The following VPS36 variants were observed in gnomAD, a reference collection of about 807,000 sequenced individuals.
VPS36 encodes the protein vacuolar protein sorting 36 homolog.
VPS36 carries 31 observed loss-of-function variants against 63.5 expected under a neutral mutation model. The observed-to-expected ratio is 0.49, with a 90% confidence interval of 0.37 to 0.66. The LOEUF (loss-of-function observed/expected upper bound fraction) is 0.66, where lower values mean the gene tolerates loss of function less well. Among genes scored for constraint, VPS36 ranks in the 30% least tolerant of loss-of-function variants. The pLI is 0.00. For synonymous variants in VPS36, 138 were observed against 157.2 expected, an observed-to-expected ratio of 0.88 and a Z score of 0.91; for missense variants, 338 against 463.7, an observed-to-expected ratio of 0.73 and a Z score of 2.49.
At chr13:52,447,762 G>T (rs1268253985) in intron 1 of VPS36, among the ~76,000 whole-genome samples, 4 of 151,662 alleles carry the variant, frequency 2.6e-5, no homozygotes, top group African/African-American at 9.7e-5. Flanking sequence ...GGGTGACACC[G>T]GTGACTGCTA....
intron 4 of VPS36, among the ~76,000 whole-genome samples, chr13:52,435,523 G>A (rs1958207257): frequency 6.6e-6 from 1 of 152,082 alleles, no homozygotes; most frequent in African/African-American, 2.4e-5. Flanking sequence ...GATCTATAAT[G>A]AAACAAACAC....
In VPS36 at chr13:52,438,913, T is replaced by A. The variant is rs2185546; in HGVS notation, c.236+185A>T. 4.3e-3 allele frequency among the ~76,000 whole-genome samples: 657 copies of A among 152,294 alleles called. 20 individuals carry two copies. In the East Asian group the frequency reaches 0.089, roughly 21 times the overall value. ...AAGCAAAGTGTCTACGGAAAGACAATGATAACTGGGCCACATTTCTTTATT... is the reference window on the plus strand; with the variant it reads ...AAGCAAAGTGTCTACGGAAAGACAAAGATAACTGGGCCACATTTCTTTATT... On this transcript the variant is annotated intron_variant, in intron 3 of 13. Transcript: ENST00000378060.
Position 52,414,905 on chromosome 13 carries a change from C to T in VPS36, c.*925G>A, listed in dbSNP as rs758325932. ...TTCTTACCGAAGTAGTTTTTCCACACAACTTACAACATAAAGGACAAAGAA... is the reference window on the plus strand; with the variant it reads ...TTCTTACCGAAGTAGTTTTTCCACATAACTTACAACATAAAGGACAAAGAA... On this transcript the variant is annotated 3_prime_UTR_variant, in exon 14 of 14. Coordinates refer to ENST00000378060, the MANE Select transcript of VPS36 (RefSeq NM_016075.4). 1 of 152,166 alleles carries T rather than the reference C, an allele frequency of 6.6e-6. No homozygotes were observed. The highest frequency in any genetic ancestry group is 1.5e-5 in the Non-Finnish European group (1 of 68,022). 9.4% of individuals were successfully genotyped at this position (152,166 alleles called of 1,614,324 possible). A position where few individuals can be genotyped will look rare whatever the true frequency, so the allele number is the denominator to read the frequency against.
At position 52,445,673 on chromosome 13, in the gene VPS36, C is replaced by G. The variant is rs1303530708; in HGVS notation, c.97-3228G>C. Among the ~76,000 whole-genome samples the G allele has an allele frequency of 5.9e-5, 8 of 134,928 alleles. No homozygotes were observed. In the South Asian group the frequency reaches 1.5e-3, roughly 25 times the overall value. 88.5% of individuals were successfully genotyped at this position (134,928 alleles called of 152,430 possible). ...AAAAAAAAGGCCGGGCGCAGTGGCT[C>G]ACGCCTGTAATCCCAGCACTTTGGG... is the stretch of plus-strand genomic sequence containing the variant. On this transcript the variant is annotated intron_variant, in intron 1 of 13. Coordinates refer to ENST00000378060, the MANE Select transcript of VPS36 (RefSeq NM_016075.4).
intron 1 of VPS36, among the ~76,000 whole-genome samples, chr13:52,444,738 C>T (rs907479767): frequency 2.0e-5 from 3 of 151,678 alleles, no homozygotes; most frequent in East Asian, 1.9e-4. Flanking sequence ...ACACAGAATA[C>T]GCTAAAAGTA....
chr13:52,429,903 A>C (rs906086326), intron 6 of VPS36, among the ~76,000 whole-genome samples: 1 of 152,196 alleles, frequency 6.6e-6, no homozygotes, highest in Admixed American at 6.5e-5. Flanking sequence ...CAAGAGAGCC[A>C]ATAGGGATTC....
intron 13 of VPS36, 28 bp from the exon 14 acceptor site, chr13:52,415,951 A>C (rs1388479521): frequency 1.2e-6 from 2 of 1,612,938 alleles, no homozygotes; most frequent in Non-Finnish European, 1.7e-6. Flanking sequence ...AAAAACCCCC[A>C]CACAATTATC....
intron 3 of VPS36, among the ~76,000 whole-genome samples, chr13:52,437,931 A>G (rs971069346): frequency 5.4e-5 from 8 of 149,046 alleles, no homozygotes; most frequent in Non-Finnish European, 1.0e-4. Flanking sequence ...CGCTGCCTCA[A>G]AAAAAAAAAA....
chr13:52,428,445 T>C, intron 6 of VPS36, among the ~76,000 whole-genome samples: 1 of 152,182 alleles, frequency 6.6e-6, no homozygotes, highest in East Asian at 1.9e-4. Context: ...AATAGTGTGT[T>C]GCGTATTCTT....
chr13:52,441,021 G>A (rs940711470), intron 2 of VPS36, among the ~76,000 whole-genome samples: 3 of 152,124 alleles, frequency 2.0e-5, no homozygotes, highest in African/African-American at 7.2e-5. Context: ...AATCTAATGC[G>A]TCTGCTGATC....
At position 52,428,698 on chromosome 13, in the gene VPS36, A is replaced by T. The variant is rs558961218; in HGVS notation, c.529-1479T>A. Among the ~76,000 whole-genome samples, 6 of 152,340 alleles carry T rather than the reference A, an allele frequency of 3.9e-5. No individual in the cohort carries two copies. The South Asian group carries it at 1.2e-3, about 32-fold the overall frequency. ...TTCAAAAATAAAACACACATTTTGC[A>T]CACTTAGGTTTTTACTTTTAATATA... On this transcript the variant is annotated intron_variant, in intron 6 of 13. Coordinates refer to ENST00000378060, the MANE Select transcript of VPS36 (RefSeq NM_016075.4).
At position 52,443,167 on chromosome 13, in the gene VPS36, G is replaced by C. The variant is rs75994473; in HGVS notation, c.97-722C>G. Among the ~76,000 whole-genome samples the C allele has an allele frequency of 3.9e-5, 6 of 152,054 alleles. No individual in the cohort carries two copies. In the East Asian group the frequency reaches 9.7e-4, roughly 24 times the overall value. On this transcript the variant is annotated intron_variant, in intron 1 of 13. Coordinates refer to ENST00000378060, the MANE Select transcript of VPS36 (RefSeq NM_016075.4). ...ATACAATGCACCAAAATGAATTCTA[G>C]AAGGATCAAACAATTGAGTAAAAAA...
intron 4 of VPS36, 151 bp from the exon 5 acceptor site, chr13:52,435,033 G>A (rs569703145): frequency 1.1e-4 from 77 of 682,632 alleles, no homozygotes; most frequent in Admixed American, 1.6e-4. Context: ...GTGCAATGGC[G>A]TGATCTAGGC....
At chr13:52,433,339 T>C (rs557479808) in intron 6 of VPS36, among the ~76,000 whole-genome samples, 2 of 152,328 alleles carry the variant, frequency 1.3e-5, no homozygotes, top group African/African-American at 2.4e-5. Flanking sequence ...TTACTTCAAC[T>C]TCCAAAATAA....
intron 1 of VPS36, among the ~76,000 whole-genome samples, chr13:52,446,589 C>T (rs957964709): frequency 6.6e-6 from 1 of 151,904 alleles, no homozygotes; most frequent in African/African-American, 2.4e-5. Context: ...CTTCAGCACT[C>T]ACTGAAAAGT....
At position 52,434,813 on chromosome 13, in the gene VPS36, G is replaced by T. The variant is rs772273059; in HGVS notation, c.421C>A (p.Gln141Lys). The change falls in exon 5 of 14, where the codon CAA becomes AAA. Residue 141 changes from glutamine to lysine, a missense_variant. Transcript: ENST00000378060. The part of the protein sequence containing the change: ...WENMPVSQSL[Q>K]TNRGPQPGRI... ...AATACCTGGGGTCCTCTATTTGTTT[G>T]TAATGACTGGGAAACTGGCATATTC... The T allele has an allele frequency of 6.2e-7, 1 of 1,613,772 alleles. No individual in the cohort carries two copies. The highest frequency in any genetic ancestry group is 8.5e-7 in the Non-Finnish European group (1 of 1,179,868).
At chr13:52,415,961 C>A in intron 13 of VPS36, 38 bp from the exon 14 acceptor site, 1 of 1,612,562 alleles carries the variant, frequency 6.2e-7, no homozygotes. Flanking sequence ...ACACAATTAT[C>A]TGTTCATGCA....
In VPS36 at chr13:52,439,139, T is replaced by C. The variant is rs1958248126; in HGVS notation, c.195A>G (p.Gln65=). The C allele has an allele frequency of 6.2e-7, 1 of 1,613,820 alleles. No homozygotes were observed. The highest frequency in any genetic ancestry group is 1.1e-5 in the South Asian group (1 of 91,034). ...HECCMAILLS[Q]IVFIEEQAAG... is the part of the protein sequence containing the mutation. ...CCGCCTGTTCTTCAATGAACACAAT[T>C]TGGGAAAGGAGAATGGCCATGCAAC... Residue 65 remains glutamine, a synonymous_variant, in exon 3 of 14, where the codon CAA becomes CAG. Coordinates refer to ENST00000378060, the MANE Select transcript of VPS36 (RefSeq NM_016075.4).
intron 6 of VPS36, among the ~76,000 whole-genome samples, chr13:52,428,089 T>G (rs1252353303): frequency 2.0e-5 from 3 of 152,216 alleles, no homozygotes; most frequent in African/African-American, 4.8e-5. Context: ...TCATTATGCT[T>G]GTAGATATGG....
Sources: gnomAD v4.1 joint callset for allele counts (sites outside exome capture counted in the v4.1 genomes callset) on GRCh38, gnomAD v4.1.1 for gene constraint, MANE v1.5 for transcripts, NCBI Gene and HGNC (gene_info 2026-07-23, HGNC 2026-07-21) for gene names.